Variants in C10orf90 observed in about 807,000 individuals in gnomAD.
C10orf90 encodes chromosome 10 open reading frame 90, also known as (E2-independent) E3 ubiquitin-conjugating enzyme FATS.
In C10orf90, 56 loss-of-function variants were observed where a neutral mutation model predicts 62.5. The observed-to-expected ratio is 0.90, with a 90% confidence interval of 0.72 to 1.12. C10orf90 has a LOEUF of 1.12. C10orf90 is among the 50% of genes most tolerant of loss of function. The probability of loss-of-function intolerance (pLI) is 0.00; values close to 1 mark genes in which losing one functional copy is unlikely to be tolerated. For synonymous variants in C10orf90, 386 were observed against 340.4 expected (o/e 1.13, Z -1.47); for missense variants, 970 against 880.4 (o/e 1.10, Z -1.29).
Position 126,562,989 on chromosome 10 carries a change from C to T in C10orf90, c.314-49050G>A, listed in dbSNP as rs915801335. ...CTCATGGGCTGGGCGGAGGGACCCA[C>T]GTACATTGCTTTCCATGGCTGTGCA... On this transcript the variant is annotated intron_variant, in intron 2 of 9. Transcript: ENST00000488181. Among the ~76,000 whole-genome samples the T allele has an allele frequency of 2.6e-5, 4 of 152,344 alleles. No individual in the cohort carries two copies. In the East Asian group the frequency reaches 7.7e-4, roughly 29 times the overall value.
intron 3 of C10orf90, among the ~76,000 whole-genome samples, chr10:126,512,372 C>CTGTGTG (rs779390627): frequency 1.5e-5 from 1 of 64,916 alleles, no homozygotes. Context: ...GTATGTGTGT[C>CTGTGTG]TGTGTGTGTG....
At chr10:126,501,867 C>T (rs1478262934) in intron 4 of C10orf90, among the ~76,000 whole-genome samples, 8 of 151,640 alleles carry the variant, frequency 5.3e-5, no homozygotes, top group East Asian at 1.9e-4. Context: ...GCTATGAGTA[C>T]GCAAAGGCAT....
chr10:126,444,870 T>C (rs1252626150), intron 7 of C10orf90, among the ~76,000 whole-genome samples: 3 of 152,038 alleles, frequency 2.0e-5, no homozygotes, highest in Non-Finnish European at 4.4e-5. Flanking sequence ...TAAGCTCAAA[T>C]ACTTACAGCC....
At chr10:126,511,529 C>T (rs192229844) in intron 3 of C10orf90, among the ~76,000 whole-genome samples, 22 of 152,002 alleles carry the variant, frequency 1.4e-4, no homozygotes, top group East Asian at 9.7e-4. Flanking sequence ...CTTCCCAGTC[C>T]CTTTTCCCCA....
In C10orf90 at chr10:126,582,653, G is replaced by A. The variant is rs7075484; in HGVS notation, c.313+63912C>T. Among the ~76,000 whole-genome samples, 908 of 152,188 alleles carry A rather than the reference G, an allele frequency of 6.0e-3. 8 individuals carry two copies. The highest frequency in any genetic ancestry group is 0.021 in the African/African-American group (862 of 41,460). On this transcript the variant is annotated intron_variant, in intron 2 of 9. Coordinates refer to ENST00000488181, the MANE Select transcript of C10orf90 (RefSeq NM_001350921.2). Reference sequence around the variant, plus strand: ...TATATAACAATGTAAATACGAAAATGGATGAGGAGATATGCATCTTTCCAT... The same window carrying A: ...TATATAACAATGTAAATACGAAAATAGATGAGGAGATATGCATCTTTCCAT...
intron 2 of C10orf90, among the ~76,000 whole-genome samples, chr10:126,635,514 A>G (rs7095644): frequency 0.52 from 78,570 of 151,980 alleles, 20,821 homozygotes; most frequent in Middle Eastern, 0.66. Context: ...ATAAAGAAGC[A>G]GGGCCCGTCT....
intron 4 of C10orf90, among the ~76,000 whole-genome samples, chr10:126,476,908 C>CTTTTTTTTT (rs10590718): frequency 8.3e-6 from 1 of 120,798 alleles, no homozygotes; most frequent in Non-Finnish European, 1.7e-5. Flanking sequence ...CACCATTTTC[C>CTTTTTTTTT]TTTTTTTTTT....
intron 2 of C10orf90, among the ~76,000 whole-genome samples, chr10:126,596,978 T>A (rs759878270): frequency 6.6e-6 from 1 of 152,138 alleles, no homozygotes; most frequent in African/African-American, 2.4e-5. Flanking sequence ...ATCAAGGAAA[T>A]GCAAATTAAA....
At chr10:126,502,653 A>G (rs61863954) in intron 4 of C10orf90, 76,483 of 345,894 alleles carry the variant, frequency 0.22, 9,294 homozygotes, top group Middle Eastern at 0.39. Context: ...ACCATGACAC[A>G]TGGTTTAAAA....
chr10:126,536,321 C>T (rs1864235813), intron 2 of C10orf90, among the ~76,000 whole-genome samples: 1 of 152,182 alleles, frequency 6.6e-6, no homozygotes, highest in African/African-American at 2.4e-5. Flanking sequence ...ACAGATGACT[C>T]TCCCCACACT....
chr10:126,506,146 G>T (rs1862719783), intron 3 of C10orf90, among the ~76,000 whole-genome samples: 1 of 152,220 alleles, frequency 6.6e-6, no homozygotes, highest in Non-Finnish European at 1.5e-5. Flanking sequence ...ATTTTTAAAT[G>T]ACCAAGGTGT....
At chr10:126,570,052 C>T (rs1844473730) in intron 2 of C10orf90, among the ~76,000 whole-genome samples, 1 of 152,220 alleles carries the variant, frequency 6.6e-6, no homozygotes, top group Admixed American at 6.5e-5. Context: ...AGAAATGTCT[C>T]TTTAAAAATT....
intron 1 of C10orf90, among the ~76,000 whole-genome samples, chr10:126,653,835 T>C (rs1846338496): frequency 6.6e-6 from 1 of 152,220 alleles, no homozygotes; most frequent in African/African-American, 2.4e-5. Context: ...ATGTCGAAAT[T>C]AATTCTCGAT....
chr10:126,468,302 C>T (rs373782457), intron 4 of C10orf90, among the ~76,000 whole-genome samples: 3 of 152,238 alleles, frequency 2.0e-5, no homozygotes, highest in East Asian at 1.9e-4. Flanking sequence ...CTCTTGACCC[C>T]GTGATCTGCC....
At chr10:126,668,979 A>C (rs1225857632) in intron 1 of C10orf90, among the ~76,000 whole-genome samples, 14 of 151,116 alleles carry the variant, frequency 9.3e-5, no homozygotes, top group Admixed American at 6.6e-4. Flanking sequence ...ACCATTTGCT[A>C]CATAGGGTTT....
intron 2 of C10orf90, among the ~76,000 whole-genome samples, chr10:126,633,871 A>G (rs1845898385): frequency 1.3e-5 from 2 of 152,264 alleles, no homozygotes; most frequent in African/African-American, 2.4e-5. Context: ...TAATTTAAAA[A>G]TTAATGATTA....
chr10:126,612,539 T>C (rs1010003626), intron 2 of C10orf90, among the ~76,000 whole-genome samples: 24 of 152,262 alleles, frequency 1.6e-4, no homozygotes, highest in African/African-American at 4.8e-4. Context: ...CCATCACCCA[T>C]GGCCCATTTT....
chr10:126,460,866 C>T (rs1488954634), intron 6 of C10orf90, among the ~76,000 whole-genome samples: 5 of 152,188 alleles, frequency 3.3e-5, no homozygotes, highest in Non-Finnish European at 7.3e-5. Context: ...GGTTGTTTGC[C>T]TTCCTAATTT....
chr10:126,516,139 C>T (rs919722498), intron 2 of C10orf90, among the ~76,000 whole-genome samples: 2 of 152,178 alleles, frequency 1.3e-5, no homozygotes, highest in Non-Finnish European at 1.5e-5. Flanking sequence ...TGGCCCCAGG[C>T]CGACCTACAG....
Sources: allele counts gnomAD v4.1 joint callset (sites outside exome capture counted in the v4.1 genomes callset), GRCh38; gene constraint gnomAD v4.1.1; transcripts MANE v1.5; gene names NCBI Gene and HGNC (gene_info 2026-07-23, HGNC 2026-07-21).